BDP1: variants seen among roughly 807,000 people sequenced by gnomAD.
The protein encoded by BDP1 is BDP1 general transcription factor IIIB subunit.
In BDP1, 169 loss-of-function variants were observed where a neutral mutation model predicts 266.6. That is an observed-to-expected ratio of 0.63 (90% CI 0.56 to 0.72). The LOEUF is 0.72. Ranked by LOEUF, BDP1 falls within the 30% of genes least tolerant of loss-of-function variation. The pLI is 0.00. For missense variants in BDP1, 3,015 were observed against 3,053.8 expected (o/e 0.99, Z 0.30); for synonymous variants, 1,090 against 1,022.4 (o/e 1.07, Z -1.26).
In BDP1 at chr5:71,509,805, A is replaced by G. The variant is rs1764794852; in HGVS notation, c.2713A>G (p.Met905Val). The G allele has an allele frequency of 2.5e-6, 4 of 1,614,126 alleles. No individual in the cohort carries two copies. The highest frequency in any genetic ancestry group is 2.2e-5 in the East Asian group (1 of 44,888). Reference sequence around the variant, plus strand: ...AGAAATGGAGACAGGTCTGAAAGCAATGGGAAGAGAGATTTGTCTAAGGGA... The same window carrying G: ...AGAAATGGAGACAGGTCTGAAAGCAGTGGGAAGAGAGATTTGTCTAAGGGA... Reference protein sequence around the residue: ...TIEMETGLKAMGREICLREKT... With the variant: ...TIEMETGLKAVGREICLREKT... Residue 905 changes from methionine (M) to valine (V), a missense_variant, in exon 17 of 39, where the codon ATG becomes GTG. By Grantham distance (21) the Met-to-Val change is conservative. This residue lies in a region of BDP1 where 2,383 missense variants were observed against 2,404.9 expected (regional missense o/e 0.99). Transcript: ENST00000358731.
At chr5:71,458,947 G>T in intron 2 of BDP1, 92 bp downstream of exon 2, 1 of 1,268,480 alleles carries the variant, frequency 7.9e-7, no homozygotes, top group South Asian at 1.5e-5. Flanking sequence ...ATTTTGATGG[G>T]GGAACAAAAC....
At chr5:71,568,035 A>G (rs953234057), downstream of BDP1, among the ~76,000 whole-genome samples, 9 of 152,032 alleles carry the variant, frequency 5.9e-5, no homozygotes, top group Non-Finnish European at 1.3e-4. Context: ...CCAGTTACTC[A>G]GGAGGCTGGG....
At chr5:71,485,884 T>C (rs1763232832) in intron 8 of BDP1, among the ~76,000 whole-genome samples, 1 of 152,184 alleles carries the variant, frequency 6.6e-6, no homozygotes. Context: ...TATACACAGC[T>C]CAAAGTGTAG....
rs771461737 is a variant in BDP1 at position 71,553,151 on chromosome 5, C to T, written c.7031C>T (p.Ala2344Val). 21 of 1,612,724 alleles carry T rather than the reference C, an allele frequency of 1.3e-5. No homozygotes were observed. The East Asian group carries it at 3.1e-4, about 24-fold the overall frequency. ...CCAGCAACTTCAGTTGGTCAAGATGCCATGGGTTTATCTATTTCTGGAAGA... is the reference window on the plus strand; with the variant it reads ...CCAGCAACTTCAGTTGGTCAAGATGTCATGGGTTTATCTATTTCTGGAAGA... Reference protein sequence around the residue: ...CLPATSVGQDAMGLSISGRDN... With the variant: ...CLPATSVGQDVMGLSISGRDN... Residue 2344 changes from alanine (A) to valine (V), a missense_variant, in exon 35 of 39, where the codon GCC (alanine) becomes GTC (valine). Transcript: ENST00000358731.
At chr5:71,541,808 T>A (rs932624869) in intron 29 of BDP1, 126 bp downstream of exon 29, 3 of 642,350 alleles carry the variant, frequency 4.7e-6, no homozygotes, top group Non-Finnish European at 5.1e-6. Flanking sequence ...ATAGACTGAT[T>A]TTGATTTTAG....
intron 6 of BDP1, 48 bp downstream of exon 6, chr5:71,467,535 A>G (rs1246820222): frequency 1.4e-6 from 2 of 1,460,244 alleles, no homozygotes; most frequent in Non-Finnish European, 1.9e-6. Context: ...TTTGAAATGA[A>G]TTGACTGTTT....
chr5:71,493,525 C>T lies in BDP1; in HGVS notation c.1641-1725C>T, dbSNP rs78615755. The stretch of plus-strand genomic sequence containing the variant: ...CTCAGCATGAGCCACTGTGTCTGGC[C>T]CTAGCTTTTTCTAATTTAGGGGAAA... On this transcript the variant is annotated intron_variant, in intron 11 of 38. Coordinates refer to ENST00000358731, the MANE Select transcript of BDP1 (RefSeq NM_018429.3). 2.0e-3 allele frequency among the ~76,000 whole-genome samples: 304 copies of T among 152,186 alleles called. 2 individuals carry two copies. Among genetic ancestry groups the T allele is most frequent in the African/African-American group, 7.1e-3 (293 of 41,524 alleles).
chr5:71,526,039 C>T (rs13186756), intron 25 of BDP1, among the ~76,000 whole-genome samples: 4 of 152,084 alleles, frequency 2.6e-5, no homozygotes, highest in African/African-American at 4.8e-5. Flanking sequence ...GACGGGGTGG[C>T]GGCCGGGCAG....
Position 71,510,611 on chromosome 5 carries a change from G to C in BDP1, c.3519G>C (p.Leu1173Phe). ...CTGTAGATGAAATGGAGACAGACTT[G>C]AAAACAACTGGAAGAGAGGGTTCCT... Reference protein sequence around the residue: ...VKPVDEMETDLKTTGREGSSR... With the variant: ...VKPVDEMETDFKTTGREGSSR... Residue 1173 changes from leucine to phenylalanine, a missense_variant, in exon 17 of 39, where the codon TTG (leucine) becomes TTC (phenylalanine). By Grantham distance (22) the Leu-to-Phe change is conservative (BLOSUM62 0). Around this residue, in one of 3 missense-constraint regions of BDP1, gnomAD observed 2,383 missense variants for 2,404.9 expected, o/e 0.99. Transcript: ENST00000358731. The C allele has an allele frequency of 2.5e-6, 4 of 1,587,376 alleles. No homozygotes were observed. The highest frequency in any genetic ancestry group is 3.4e-6 in the Non-Finnish European group (4 of 1,163,102).
At chr5:71,507,547 TTAAA>T (rs1434478448) in intron 16 of BDP1, among the ~76,000 whole-genome samples, 1 of 152,234 alleles carries the variant, frequency 6.6e-6, no homozygotes, top group East Asian at 1.9e-4. Context: ...ATTTATATGT[TTAAA>T]TAATACGCCT....
At chr5:71,487,464 T>C (rs1763334171) in intron 9 of BDP1, among the ~76,000 whole-genome samples, 1 of 152,142 alleles carries the variant, frequency 6.6e-6, no homozygotes, top group South Asian at 2.1e-4. Context: ...AGGATGGTCT[T>C]GATCTCTTGA....
intron 26 of BDP1, among the ~76,000 whole-genome samples, chr5:71,533,734 G>A (rs950196593): frequency 6.6e-6 from 1 of 152,010 alleles, no homozygotes; most frequent in African/African-American, 2.4e-5. Context: ...AAAGTGTTGG[G>A]ATTACAGGCA....
In BDP1 at chr5:71,455,719, A is replaced by C; in HGVS notation, c.-159A>C. 4.7e-6 allele frequency: 3 copies of C among 634,830 alleles called. No individual in the cohort carries two copies. Among genetic ancestry groups the C allele is most frequent in the South Asian group, 1.9e-5 (1 of 51,574 alleles). 39.3% of individuals were successfully genotyped at this position (634,830 alleles called of 1,614,324 possible). On this transcript the variant is annotated 5_prime_UTR_variant, in exon 1 of 39. Transcript: ENST00000358731. ...AGCGGCGGCGGCGGGAGAGAGGAGG[A>C]GGCGGCGGCGGGGCAGTGAAACTAC...
intron 15 of BDP1, among the ~76,000 whole-genome samples, chr5:71,504,077 C>T (rs1292994471): frequency 8.6e-5 from 13 of 151,908 alleles, no homozygotes; most frequent in African/African-American, 2.9e-4. Context: ...TTGAGACCAT[C>T]CTGGCTAACA....
chr5:71,534,930 C>T (rs569000783), intron 26 of BDP1, among the ~76,000 whole-genome samples: 55 of 152,142 alleles, frequency 3.6e-4, no homozygotes, highest in Non-Finnish European at 4.3e-4. Context: ...CATGAGCCAC[C>T]GTGCCCGGCC....
Position 71,491,164 on chromosome 5 carries a change from A to C in BDP1, c.1640+33A>C, listed in dbSNP as rs111983784. The stretch of plus-strand genomic sequence containing the variant: ...CTGTGTCTTTTCTGGTTTTATCCAC[A>C]TCTGTTGATTACTGAGAAAGGAGTG... On this transcript the variant is annotated intron_variant, in intron 11 of 38. Coordinates refer to ENST00000358731, the MANE Select transcript of BDP1 (RefSeq NM_018429.3). 1,664 of 1,597,512 alleles carry C rather than the reference A, an allele frequency of 1.0e-3. 17 individuals are homozygous for C. The African/African-American group carries it at 0.018, about 17-fold the overall frequency.
intron 26 of BDP1, among the ~76,000 whole-genome samples, chr5:71,533,574 T>C (rs961144069): frequency 3.3e-5 from 5 of 150,828 alleles, no homozygotes; most frequent in African/African-American, 1.2e-4. Flanking sequence ...TAAATGATCC[T>C]CTCCACTCAG....
chr5:71,515,080 A>T lies in BDP1; in HGVS notation c.4607A>T (p.Gln1536Leu), dbSNP rs1256212237. 2 of 1,609,788 alleles carry T rather than the reference A, an allele frequency of 1.2e-6. No homozygotes were observed. Among genetic ancestry groups the T allele is most frequent in the African/African-American group, 2.7e-5 (2 of 74,746 alleles). ...SNSCEPKEES[Q>L]SAPVQKNDSV... ...TCTTGTGAACCTAAAGAGGAGTCTC[A>T]GTCAGCACCAGTCCAGAAAAATGAC... The change falls in exon 20 of 39, where the codon CAG becomes CTG. Residue 1536 changes from glutamine (Q) to leucine (L), a missense_variant. Transcript: ENST00000358731.
At chr5:71,486,457 A>C (rs905536575) in intron 8 of BDP1, 27 bp from the exon 9 acceptor site, 1 of 1,526,392 alleles carries the variant, frequency 6.6e-7, no homozygotes, top group Non-Finnish European at 8.7e-7. Flanking sequence ...TAAAAACTTG[A>C]AAGTTCTTTT....
Sources: gnomAD v4.1 joint callset for allele counts (sites outside exome capture counted in the v4.1 genomes callset) on GRCh38, gnomAD v4.1.1 for gene constraint, gnomAD v4.1.1 regional missense constraint, MANE v1.5 for transcripts, NCBI Gene and HGNC (gene_info 2026-07-23, HGNC 2026-07-21) for gene names.